Variants in TRPC6 observed in about 807,000 individuals in gnomAD.
The protein encoded by TRPC6 is short transient receptor potential channel 6.
In TRPC6, 55 loss-of-function variants were observed where a neutral mutation model predicts 90.7. That is an observed-to-expected ratio of 0.61 (90% CI 0.49 to 0.76). The LOEUF is 0.76. Ranked by LOEUF, TRPC6 falls within the 30% of genes least tolerant of loss-of-function variation. TRPC6 has a pLI of 0.00. For synonymous variants in TRPC6, 393 were observed against 393.0 expected (o/e 1.00, Z 0.00); for missense variants, 989 against 1,122.7 (o/e 0.88, Z 1.70).
rs73580373 is a variant in TRPC6 at position 101,576,162 on chromosome 11, G to A, written c.170+7172C>T. Among the ~76,000 whole-genome samples, 1,018 of 152,166 alleles carry A rather than the reference G, an allele frequency of 6.7e-3. 15 individuals are homozygous for A. The highest frequency in any genetic ancestry group is 0.023 in the African/African-American group (958 of 41,502). ...ATTTCAGCATTGTTCTTTATAAAAC[G>A]GATGCTAAAAATAGCTGAGTAGATG... is the stretch of plus-strand genomic sequence containing the variant. On this transcript the variant is annotated intron_variant, in intron 1 of 12. Transcript: ENST00000344327.
At chr11:101,475,880 A>G (rs1447066805) in intron 6 of TRPC6, among the ~76,000 whole-genome samples, 4 of 151,956 alleles carry the variant, frequency 2.6e-5, no homozygotes, top group Non-Finnish European at 5.9e-5. Context: ...GTACATATAC[A>G]TATATACACG....
At chr11:101,489,217 G>T in intron 3 of TRPC6, 116 bp from the exon 4 acceptor site, 1 of 968,914 alleles carries the variant, frequency 1.0e-6, no homozygotes. Flanking sequence ...TAGAATTAAA[G>T]AACAAACATA....
chr11:101,537,171 G>C (rs1299059841), intron 1 of TRPC6, among the ~76,000 whole-genome samples: 1 of 152,120 alleles, frequency 6.6e-6, no homozygotes, highest in Non-Finnish European at 1.5e-5. Context: ...ATTCAAAATA[G>C]TACTTCCAAT....
At chr11:101,501,544 G>C (rs1860125691) in intron 2 of TRPC6, among the ~76,000 whole-genome samples, 1 of 152,112 alleles carries the variant, frequency 6.6e-6, no homozygotes, top group Admixed American at 6.6e-5. Flanking sequence ...GCTGGGACAA[G>C]AGTTAGTGTC....
chr11:101,537,574 C>G (rs1017656678), intron 1 of TRPC6, among the ~76,000 whole-genome samples: 1 of 152,122 alleles, frequency 6.6e-6, no homozygotes, highest in Non-Finnish European at 1.5e-5. Context: ...GGCACATTTT[C>G]TAGAAACTTC....
chr11:101,452,669 G>C lies in TRPC6; in HGVS notation c.*286C>G. ...CCCATTTTCAGGCAGACACTACATG[G>C]CAATGACATCATCACAAGAGTTAGT... On this transcript the variant is annotated 3_prime_UTR_variant, in exon 13 of 13. Coordinates refer to ENST00000344327, the MANE Select transcript of TRPC6 (RefSeq NM_004621.6). 1 of 379,392 alleles carries C rather than the reference G, an allele frequency of 2.6e-6. No homozygotes were observed. 23.5% of individuals were successfully genotyped at this position (379,392 alleles called of 1,614,324 possible). A position where few individuals can be genotyped will look rare whatever the true frequency, so the allele number is the denominator to read the frequency against.
At chr11:101,476,098 A>G (rs566849363) in intron 6 of TRPC6, among the ~76,000 whole-genome samples, 10 of 152,210 alleles carry the variant, frequency 6.6e-5, no homozygotes, top group Non-Finnish European at 1.3e-4. Flanking sequence ...CTTGTGATTA[A>G]GAGAGTTTTC....
intron 1 of TRPC6, among the ~76,000 whole-genome samples, chr11:101,559,640 T>G (rs911356599): frequency 5.3e-5 from 8 of 152,102 alleles, no homozygotes; most frequent in African/African-American, 1.9e-4. Context: ...CTTTTCTTTT[T>G]TTTTTTATTA....
chr11:101,503,895 G>A lies in TRPC6; in HGVS notation c.945+129C>T, dbSNP rs4542378. 496,289 of 1,145,114 alleles carry A rather than the reference G, an allele frequency of 0.43. 110,200 individuals are homozygous for A. Among genetic ancestry groups the A allele is most frequent in the African/African-American group, 0.55 (35,873 of 65,200 alleles). The allele number at this position is 1,145,114 out of a possible 1,614,324, so 70.9% of individuals were successfully genotyped here. On this transcript the variant is annotated intron_variant, in intron 2 of 12. Transcript: ENST00000344327. ...CTACAATGATTATAATAAAGAGCTTGTTGAATAAACTTATAAAATGACCTA... is the reference window on the plus strand; with the variant it reads ...CTACAATGATTATAATAAAGAGCTTATTGAATAAACTTATAAAATGACCTA...
chr11:101,551,510 A>AG (rs1207538241), intron 1 of TRPC6, among the ~76,000 whole-genome samples: 8 of 142,396 alleles, frequency 5.6e-5, no homozygotes, highest in Admixed American at 5.0e-4. Context: ...AACATTCTTT[A>AG]GAAAAAAAAA....
chr11:101,523,723 G>A (rs117361982), intron 1 of TRPC6, among the ~76,000 whole-genome samples: 1,572 of 152,234 alleles, frequency 0.01, 6 homozygotes, highest in Non-Finnish European at 0.017. Context: ...CATTTCAGTG[G>A]TTCTACATTT....
At position 101,471,239 on chromosome 11, in the gene TRPC6, A is replaced by G. The variant is rs1859285363; in HGVS notation, c.2353T>C (p.Ser785Pro). Residue 785 changes from serine to proline, a missense_variant, in exon 9 of 13, where the codon TCT becomes CCT. Physicochemically the swap from Ser to Pro is moderately conservative, Grantham distance 74. This residue lies in a region of TRPC6 where 191 missense variants were observed against 196.7 expected (regional missense o/e 0.97). Coordinates refer to ENST00000344327, the MANE Select transcript of TRPC6 (RefSeq NM_004621.6). ...YLLLKLKKWI[S>P]ELFQGHKKGF... ...TTTTTATGGCCCTGGAACAGCTCAG[A>G]AATCCATTTTTTAAGCTTCAGTAAG... 1 of 1,613,872 alleles carries G rather than the reference A, an allele frequency of 6.2e-7. No individual in the cohort carries two copies. Among genetic ancestry groups the G allele is most frequent in the Non-Finnish European group, 8.5e-7 (1 of 1,179,910 alleles).
At chr11:101,483,281 T>C in intron 4 of TRPC6, 116 bp from the exon 5 acceptor site, 1 of 1,214,096 alleles carries the variant, frequency 8.2e-7, no homozygotes, top group East Asian at 2.5e-5. Flanking sequence ...CTGAGATAAT[T>C]GTTTATATTT....
At chr11:101,473,872 C>T (rs1382491295) in intron 6 of TRPC6, 99 bp from the exon 7 acceptor site, 17 of 1,559,028 alleles carry the variant, frequency 1.1e-5, no homozygotes, top group South Asian at 3.5e-5. Context: ...TGTTAGAATC[C>T]GGTTTTCGAA....
intron 1 of TRPC6, among the ~76,000 whole-genome samples, chr11:101,539,748 T>C (rs1861129522): frequency 6.6e-6 from 1 of 152,228 alleles, no homozygotes; most frequent in Non-Finnish European, 1.5e-5. Flanking sequence ...TTCAATCTTC[T>C]AATGGCAATT....
chr11:101,499,875 G>A (rs1860062053), intron 2 of TRPC6, among the ~76,000 whole-genome samples: 1 of 43,658 alleles, frequency 2.3e-5, no homozygotes, highest in Non-Finnish European at 5.5e-5. Flanking sequence ...TATAAAATGT[G>A]TATATATATA....
At chr11:101,496,513 TAC>T (rs1195629355) in intron 2 of TRPC6, among the ~76,000 whole-genome samples, 1 of 152,152 alleles carries the variant, frequency 6.6e-6, no homozygotes, top group Non-Finnish European at 1.5e-5. Flanking sequence ...AGAAATGGAA[TAC>T]AATTTCAAAA....
At chr11:101,474,528 C>G (rs1859368811) in intron 6 of TRPC6, among the ~76,000 whole-genome samples, 1 of 152,044 alleles carries the variant, frequency 6.6e-6, no homozygotes, top group African/African-American at 2.4e-5. Context: ...GAGAGGATAA[C>G]AAGAAACTAA....
chr11:101,533,682 G>A (rs1407138042), intron 1 of TRPC6, among the ~76,000 whole-genome samples: 1 of 152,040 alleles, frequency 6.6e-6, no homozygotes, highest in African/African-American at 2.4e-5. Context: ...AATTTAACTG[G>A]GGCTTTGCTT....
Sources: allele counts gnomAD v4.1 joint callset (sites outside exome capture counted in the v4.1 genomes callset), GRCh38; gene constraint gnomAD v4.1.1; regional missense constraint gnomAD v4.1.1; transcripts MANE v1.5; gene names NCBI Gene and HGNC (gene_info 2026-07-23, HGNC 2026-07-21).